The following SEC23IP variants were observed in gnomAD, a reference collection of about 807,000 sequenced individuals.
SEC23IP encodes the protein SEC23 interacting protein, also known as SEC23-interacting protein.
Under a neutral mutation model 113.4 loss-of-function variants are expected in SEC23IP, and 70 were observed. The ratio of observed to expected loss-of-function variants is 0.62; its 90% CI spans 0.51 to 0.75. The LOEUF is 0.75. SEC23IP is among the 30% of genes least tolerant of loss of function. The pLI is 0.00. For synonymous variants in SEC23IP, 398 were observed against 421.0 expected, an observed-to-expected ratio of 0.95 and a Z score of 0.67; for missense variants, 1,160 against 1,204.9, an observed-to-expected ratio of 0.96 and a Z score of 0.55.
chr10:119,903,083 T>A, intron 3 of SEC23IP, 74 bp downstream of exon 3: 1 of 1,233,076 alleles, frequency 8.1e-7, no homozygotes, highest in Non-Finnish European at 1.2e-6. Flanking sequence ...TCATGATCTA[T>A]TTTCTGTGAA....
chr10:119,933,731 A>C lies in SEC23IP; in HGVS notation c.2967A>C (p.Arg989=). 6.3e-7 allele frequency: 1 copy of C among 1,598,230 alleles called. No homozygotes were observed. The highest frequency in any genetic ancestry group is 8.6e-7 in the Non-Finnish European group (1 of 1,165,800). The part of the protein sequence containing the change: ...TALLLLKEIY[R]TMNISPEQPQ... ...TGTTACTACTTAAAGAAATTTATCG[A>C]ACAATGAACATTAGTCCAGAACAGC... Residue 989 remains arginine (R), a synonymous_variant, in exon 18 of 19, where the codon CGA becomes CGC. Transcript: ENST00000369075.
chr10:119,929,382 T>A (rs11199123), intron 13 of SEC23IP, among the ~76,000 whole-genome samples: 4,816 of 152,242 alleles, frequency 0.032, 111 homozygotes, highest in Middle Eastern at 0.065. Flanking sequence ...TACAGGCGCA[T>A]GCCACCATGC....
chr10:119,930,269 A>G (rs928747411), intron 14 of SEC23IP, 60 bp from the exon 15 acceptor site: 9 of 1,014,318 alleles, frequency 8.9e-6, no homozygotes, highest in South Asian at 3.4e-5. Flanking sequence ...GCGAAGGCAT[A>G]TAACTCAAAA....
intron 6 of SEC23IP, among the ~76,000 whole-genome samples, chr10:119,912,549 T>G (rs983469038): frequency 6.6e-6 from 1 of 152,186 alleles, no homozygotes; most frequent in Non-Finnish European, 1.5e-5. Flanking sequence ...GAAATTGAAG[T>G]AAGTATTATG....
chr10:119,917,225 A>C (rs900911824), intron 8 of SEC23IP, among the ~76,000 whole-genome samples: 1 of 151,668 alleles, frequency 6.6e-6, no homozygotes, highest in African/African-American at 2.4e-5. Flanking sequence ...TTTGATGTGG[A>C]GTCTCGCTCT....
At chr10:119,938,294 A>G (rs1204142291) in intron 18 of SEC23IP, among the ~76,000 whole-genome samples, 1 of 152,146 alleles carries the variant, frequency 6.6e-6, no homozygotes, top group Non-Finnish European at 1.5e-5. Context: ...TGATGCTGGT[A>G]GTGTGATTTC....
Position 119,930,447 on chromosome 10 carries a change from T to C in SEC23IP, c.2572+16T>C. On this transcript the variant is annotated intron_variant, in intron 15 of 18. Transcript: ENST00000369075. ...CTTCATTTAGGTAAAAAGCAAATAC[T>C]ATAAAAACTTTTTTTCCTGTCATTT... 6.7e-7 allele frequency: 1 copy of C among 1,484,666 alleles called. No homozygotes were observed. Among genetic ancestry groups the C allele is most frequent in the Non-Finnish European group, 9.3e-7 (1 of 1,071,012 alleles). The allele number at this position is 1,484,666 out of a possible 1,614,324, so 92.0% of individuals were successfully genotyped here.
chr10:119,930,365 G>T lies in SEC23IP; in HGVS notation c.2506G>T (p.Val836Phe). 1 of 1,610,492 alleles carries T rather than the reference G, an allele frequency of 6.2e-7. No homozygotes were observed. The highest frequency in any genetic ancestry group is 8.5e-7 in the Non-Finnish European group (1 of 1,177,268). The change falls in exon 15 of 19, where the codon GTT becomes TTT. Residue 836 changes from valine to phenylalanine, a missense_variant. Transcript: ENST00000369075. ...GGCATATAGATTAGAACCTATGATTGTTCCAGATTTGGACCTAAAAGCTGT... is the reference window on the plus strand; with the variant it reads ...GGCATATAGATTAGAACCTATGATTTTTCCAGATTTGGACCTAAAAGCTGT... ...PVAYRLEPMI[V>F]PDLDLKAVLI...
chr10:119,915,160 A>C (rs1296901244), intron 7 of SEC23IP, among the ~76,000 whole-genome samples: 1 of 152,234 alleles, frequency 6.6e-6, no homozygotes, highest in Admixed American at 6.5e-5. Flanking sequence ...TGGAAACATG[A>C]ATCTGCCTGG....
Position 119,892,867 on chromosome 10 carries a change from A to C in SEC23IP, c.85A>C (p.Thr29Pro), listed in dbSNP as rs759175374. 5 of 1,614,022 alleles carry C rather than the reference A, an allele frequency of 3.1e-6. No individual in the cohort carries two copies. In the East Asian group the frequency reaches 8.9e-5, roughly 29 times the overall value. The change falls in exon 1 of 19, where the codon ACG becomes CCG. Residue 29 changes from threonine (T) to proline (P), a missense_variant. Transcript: ENST00000369075. ...GTNLLFSSSA[T>P]EFSFNVPFIP... is the part of the protein sequence containing the mutation. ...TAACTTACTTTTCTCCTCCTCGGCC[A>C]CGGAGTTCAGCTTCAATGTGCCCTT...
Position 119,933,068 on chromosome 10 carries a change from T to G in SEC23IP, c.2822T>G (p.Met941Arg). The change falls in exon 17 of 19, where the codon ATG (methionine) becomes AGG (arginine). Residue 941 changes from methionine to arginine, a missense_variant. Transcript: ENST00000369075. ...GAGGACTACTTAGGAAAGGTTGGAA[T>G]GTTAAATGGAGGCCGCCGAATTGAC... Reference protein sequence around the residue: ...KDEDYLGKVGMLNGGRRIDYV... With the variant: ...KDEDYLGKVGRLNGGRRIDYV... The G allele has an allele frequency of 6.2e-7, 1 of 1,614,132 alleles. No individual in the cohort carries two copies.
At chr10:119,919,308 T>C (rs1855161229) in intron 10 of SEC23IP, 136 bp from the exon 11 acceptor site, 1 of 797,718 alleles carries the variant, frequency 1.3e-6, no homozygotes, top group South Asian at 1.9e-5. Flanking sequence ...TATTCAAACT[T>C]TGAATGGCAA....
chr10:119,922,245 G>C (rs1240944271), intron 12 of SEC23IP, among the ~76,000 whole-genome samples: 1 of 152,088 alleles, frequency 6.6e-6, no homozygotes, highest in Non-Finnish European at 1.5e-5. Flanking sequence ...GGAGGGGTAA[G>C]GTCAGGGGAG....
At position 119,924,838 on chromosome 10, in the gene SEC23IP, C is replaced by T. The variant is rs34460291; in HGVS notation, c.2122-1198C>T. On this transcript the variant is annotated intron_variant, in intron 12 of 18. Coordinates refer to ENST00000369075, the MANE Select transcript of SEC23IP (RefSeq NM_007190.4). Reference sequence around the variant, plus strand: ...TGTCACTCAGGCTGGAGTGCAGTGGCGCACGCATGGCTCACTGCAGCCTCC... The same window carrying T: ...TGTCACTCAGGCTGGAGTGCAGTGGTGCACGCATGGCTCACTGCAGCCTCC... 3.4e-4 allele frequency among the ~76,000 whole-genome samples: 51 copies of T among 152,086 alleles called. 1 individual carries two copies. In the South Asian group the frequency reaches 8.9e-3, roughly 27 times the overall value.
At chr10:119,907,581 G>T (rs919860354) in intron 4 of SEC23IP, among the ~76,000 whole-genome samples, 62 of 152,092 alleles carry the variant, frequency 4.1e-4, no homozygotes, top group Non-Finnish European at 8.2e-4. Context: ...TAGTACGATC[G>T]GCCCTCCGTA....
chr10:119,914,696 T>A, intron 6 of SEC23IP, 34 bp from the exon 7 acceptor site: 1 of 1,550,742 alleles, frequency 6.4e-7, no homozygotes, highest in Middle Eastern at 1.7e-4. Flanking sequence ...CAAATTCCCA[T>A]CTTTTATGTA....
chr10:119,927,261 A>G (rs1855452552), intron 13 of SEC23IP, among the ~76,000 whole-genome samples: 1 of 152,210 alleles, frequency 6.6e-6, no homozygotes, highest in Non-Finnish European at 1.5e-5. Flanking sequence ...TGGAGAGATA[A>G]TGACTTATTC....
At chr10:119,933,599 G>T in intron 17 of SEC23IP, 87 bp from the exon 18 acceptor site, 1 of 739,874 alleles carries the variant, frequency 1.4e-6, no homozygotes. Context: ...GAGTTGAATA[G>T]AATAGAACCT....
chr10:119,900,967 T>G (rs1161132168), intron 2 of SEC23IP, among the ~76,000 whole-genome samples: 1 of 151,678 alleles, frequency 6.6e-6, no homozygotes, highest in East Asian at 1.9e-4. Context: ...GTGAACATAC[T>G]TTAAATGTTA....
Sources: allele counts gnomAD v4.1 joint callset (sites outside exome capture counted in the v4.1 genomes callset), GRCh38; gene constraint gnomAD v4.1.1; transcripts MANE v1.5; gene names NCBI Gene and HGNC (gene_info 2026-07-23, HGNC 2026-07-21).